Variants in RHOU observed in about 807,000 individuals in gnomAD.
The protein encoded by RHOU is rho-related GTP-binding protein RhoU.
In RHOU, 8 loss-of-function variants were observed where a neutral mutation model predicts 12.6. The observed-to-expected ratio is 0.64, with a 90% CI of 0.37 to 1.15. RHOU has a LOEUF of 1.15. Ranked by LOEUF, RHOU falls within the 50% of genes most tolerant of loss-of-function variation. RHOU has a pLI of 0.01. For synonymous variants in RHOU, 161 were observed against 147.4 expected (o/e 1.09, Z -0.67); for missense variants, 258 against 347.0 (o/e 0.74, Z 2.04).
At chr1:228,734,616 A>G (rs1662554301), upstream of RHOU, among the ~76,000 whole-genome samples, 1 of 148,266 alleles carries the variant, frequency 6.7e-6, no homozygotes, top group Admixed American at 6.7e-5. Context: ...TTTTACTACC[A>G]CTAGTATCAA....
At chr1:228,693,775 A>G in the RHOU span, among the ~76,000 whole-genome samples, 932 of 152,276 alleles carry the variant, frequency 6.1e-3, 13 homozygotes, top group African/African-American at 0.021. Context: ...ACCTCATGTT[A>G]ATAATTTTAA....
chr1:228,704,191 C>T, the RHOU span, among the ~76,000 whole-genome samples: 22 of 152,160 alleles, frequency 1.4e-4, 1 homozygote. Context: ...GTTGTTCCGC[C>T]TTACCAGACC....
chr1:228,739,994 G>A (rs116381671), intron 2 of RHOU, among the ~76,000 whole-genome samples: 2,155 of 152,332 alleles, frequency 0.014, 45 homozygotes, highest in African/African-American at 0.049. Flanking sequence ...GAAGGAGCAA[G>A]CAAAGGGAAG....
the RHOU span, among the ~76,000 whole-genome samples, chr1:228,649,022 G>A: frequency 5.9e-5 from 9 of 152,052 alleles, no homozygotes; most frequent in African/African-American, 2.2e-4. Context: ...CACCAACCTC[G>A]CCTGGCTAGT....
intron 2 of RHOU, among the ~76,000 whole-genome samples, chr1:228,739,190 G>C (rs1316538878): frequency 6.6e-6 from 1 of 152,136 alleles, no homozygotes; most frequent in Non-Finnish European, 1.5e-5. Flanking sequence ...TGAATGCAAT[G>C]GTGATATTTA....
chr1:228,684,706 G>A, the RHOU span, among the ~76,000 whole-genome samples: 1 of 152,092 alleles, frequency 6.6e-6, no homozygotes, highest in Non-Finnish European at 1.5e-5. Context: ...CCCCCATAAG[G>A]CAGGAAAAAA....
chr1:228,660,396 T>C, the RHOU span, among the ~76,000 whole-genome samples: 12 of 151,236 alleles, frequency 7.9e-5, no homozygotes, highest in Non-Finnish European at 1.5e-4. Context: ...CTATCAAATA[T>C]TTAGATAACT....
chr1:228,692,930 A>C, the RHOU span, among the ~76,000 whole-genome samples: 1 of 152,174 alleles, frequency 6.6e-6, no homozygotes, highest in African/African-American at 2.4e-5. Flanking sequence ...TATTATATAA[A>C]ATTGCATTTA....
chr1:228,709,850 A>C, the RHOU span, among the ~76,000 whole-genome samples: 1 of 152,124 alleles, frequency 6.6e-6, no homozygotes, highest in Admixed American at 6.6e-5. Context: ...AAAACCCTTC[A>C]AAAAATTAAC....
the RHOU span, among the ~76,000 whole-genome samples, chr1:228,707,378 C>T: frequency 6.8e-6 from 1 of 147,096 alleles, no homozygotes; most frequent in Admixed American, 6.9e-5. Flanking sequence ...CCAGCGTGAG[C>T]GACACAGAAG....
the RHOU span, among the ~76,000 whole-genome samples, chr1:228,714,707 G>T: frequency 2.2e-5 from 3 of 134,374 alleles, no homozygotes; most frequent in Admixed American, 1.5e-4. Context: ...TTTTTCTTAA[G>T]TTAGCTAATG....
upstream of RHOU, among the ~76,000 whole-genome samples, chr1:228,734,377 T>C (rs1026721705): frequency 1.3e-5 from 2 of 152,172 alleles, no homozygotes; most frequent in Admixed American, 6.5e-5. Flanking sequence ...TGACTTATTT[T>C]TGCCTCCAGG....
the RHOU span, among the ~76,000 whole-genome samples, chr1:228,688,344 C>T: frequency 6.6e-6 from 1 of 152,178 alleles, no homozygotes; most frequent in African/African-American, 2.4e-5. Context: ...TCCCCCGAAT[C>T]CTTCCACTGC....
chr1:228,716,982 A>G, the RHOU span, among the ~76,000 whole-genome samples: 5 of 152,074 alleles, frequency 3.3e-5, no homozygotes, highest in Non-Finnish European at 7.4e-5. Context: ...TTTCCTCTCC[A>G]GGGATTAGAA....
Position 228,743,936 on chromosome 1 carries a change from T to TA in RHOU, c.*197dup. On this transcript the variant is annotated 3_prime_UTR_variant, in exon 3 of 3. Coordinates refer to ENST00000366691, the MANE Select transcript of RHOU (RefSeq NM_021205.6). This position sits in a 1 kb window ranked among gnomAD's most constrained non-coding sequence, Gnocchi z 5.1. ...TGTTTGAGCTTAGGGATGAGATACT[T>TA]ATGCAAGATATTTTTGAAGTAAATT... 1.9e-6 allele frequency: 1 copy of TA among 530,970 alleles called. No homozygotes were observed. The highest frequency in any genetic ancestry group is 3.3e-6 in the Non-Finnish European group (1 of 304,796). The allele number at this position is 530,970 out of a possible 1,614,324, so 32.9% of individuals were successfully genotyped here. A position where few individuals can be genotyped will look rare whatever the true frequency, so the allele number is the denominator to read the frequency against.
rs551933339 is a variant in RHOU, at chr1:228,738,732, G to A, written c.321+1001G>A. On this transcript the variant is annotated intron_variant, in intron 2 of 2. Transcript: ENST00000366691. This position sits in a 1 kb window ranked among gnomAD's most constrained non-coding sequence, Gnocchi z 4.2. Reference sequence around the variant, plus strand: ...TTAAACCTGAAGATGACATAAGACCGTGGAGCCTTGATCTCCAAGGAACAC... The same window carrying A: ...TTAAACCTGAAGATGACATAAGACCATGGAGCCTTGATCTCCAAGGAACAC... Among the ~76,000 whole-genome samples, 165 of 152,274 alleles carry A rather than the reference G, an allele frequency of 1.1e-3. No individual in the cohort carries two copies. The highest frequency in any genetic ancestry group is 2.1e-3 in the Non-Finnish European group (146 of 68,030).
chr1:228,731,571 A>G (rs544062172), upstream of RHOU, among the ~76,000 whole-genome samples: 25 of 152,382 alleles, frequency 1.6e-4, no homozygotes, highest in African/African-American at 6.0e-4. Flanking sequence ...TGAGGACTTC[A>G]TTAAGAAAAA....
chr1:228,647,375 C>G, the RHOU span, among the ~76,000 whole-genome samples: 1 of 152,186 alleles, frequency 6.6e-6, no homozygotes, highest in Non-Finnish European at 1.5e-5. Flanking sequence ...GTACCGGGCG[C>G]GTCCGGAGGC....
chr1:228,722,583 G>A, the RHOU span, among the ~76,000 whole-genome samples: 8 of 151,474 alleles, frequency 5.3e-5, no homozygotes, highest in Non-Finnish European at 1.2e-4. Flanking sequence ...CTCAGTCAAT[G>A]ATAAGTTCGG....
Sources: allele counts gnomAD v4.1 joint callset (sites outside exome capture counted in the v4.1 genomes callset), GRCh38; gene constraint gnomAD v4.1.1; non-coding constraint Gnocchi (gnomAD v3.1); transcripts MANE v1.5; gene names NCBI Gene and HGNC (gene_info 2026-07-23, HGNC 2026-07-21).